SAMMSON: variants seen among roughly 807,000 people sequenced by gnomAD.
SAMMSON encodes the protein long intergenic non-protein coding RNA 1212.
chr3:70,071,550 A>T (rs1283800423), exon 4 of SAMMSON: 1 of 152,016 alleles, frequency 6.6e-6, no homozygotes, highest in African/African-American at 2.4e-5. Context: ...AAAGAGAAAC[A>T]TCTATTGCAT....
At chr3:70,291,537 C>G (rs1284986902) in intron 7 of SAMMSON, among the ~76,000 whole-genome samples, 2 of 152,162 alleles carry the variant, frequency 1.3e-5, no homozygotes, top group Non-Finnish European at 2.9e-5. Context: ...GGTCTTATCT[C>G]TCATCACATT....
chr3:70,027,010 G>A (rs1376594804), intron 3 of SAMMSON, among the ~76,000 whole-genome samples: 1 of 152,132 alleles, frequency 6.6e-6, no homozygotes, highest in African/African-American at 2.4e-5. Flanking sequence ...AGACTCTACT[G>A]GGAGTTTGTA....
chr3:70,084,095 C>T (rs928777557), intron 4 of SAMMSON, among the ~76,000 whole-genome samples: 2 of 152,188 alleles, frequency 1.3e-5, no homozygotes, highest in Non-Finnish European at 2.9e-5. Flanking sequence ...TTCCCCATCT[C>T]ACTCTTCCAC....
intron 4 of SAMMSON, among the ~76,000 whole-genome samples, chr3:70,203,618 T>C (rs1239510604): frequency 6.6e-6 from 1 of 152,164 alleles, no homozygotes; most frequent in Non-Finnish European, 1.5e-5. Flanking sequence ...TTTTATAAGG[T>C]GACACTGGTG....
chr3:70,337,045 A>C (rs1413833233), intron 7 of SAMMSON, among the ~76,000 whole-genome samples: 4 of 121,066 alleles, frequency 3.3e-5, no homozygotes, highest in Non-Finnish European at 7.7e-5. Flanking sequence ...TATCTAACTT[A>C]ATATTATTAT....
chr3:70,367,150 A>T (rs1039575655), intron 9 of SAMMSON, among the ~76,000 whole-genome samples: 1 of 151,632 alleles, frequency 6.6e-6, no homozygotes, highest in Non-Finnish European at 1.5e-5. Context: ...TCAAACAGTT[A>T]TCATTTATTT....
At chr3:70,277,183 G>A (rs1159811017) in intron 6 of SAMMSON, among the ~76,000 whole-genome samples, 1 of 152,138 alleles carries the variant, frequency 6.6e-6, no homozygotes, top group Non-Finnish European at 1.5e-5. Flanking sequence ...GATTGAGAAG[G>A]CTGGAACAAT....
In SAMMSON at chr3:70,151,002, A is replaced by G. The variant is rs13319242; in HGVS notation, n.507+79437A>G. ...TATATATCTATATGTAGATATATAG[A>G]TATACACACAAATAAATGTTTTAAA... On this transcript the variant is annotated intron_variant and non_coding_transcript_variant, in intron 4 of 9. Transcript: ENST00000642114. 5.2e-3 allele frequency among the ~76,000 whole-genome samples: 790 copies of G among 152,198 alleles called. 5 individuals are homozygous for G. The highest frequency in any genetic ancestry group is 0.018 in the African/African-American group (744 of 41,544).
intron 7 of SAMMSON, among the ~76,000 whole-genome samples, chr3:70,352,355 A>C (rs956864481): frequency 6.6e-6 from 1 of 152,124 alleles, no homozygotes; most frequent in Non-Finnish European, 1.5e-5. Context: ...GCAGGAAATG[A>C]CACAGCATTT....
At chr3:70,174,933 C>T (rs142350110) in intron 4 of SAMMSON, among the ~76,000 whole-genome samples, 2 of 152,154 alleles carry the variant, frequency 1.3e-5, no homozygotes, top group African/African-American at 4.8e-5. Flanking sequence ...TACTTCCCCC[C>T]ACCTTCCCAC....
At chr3:70,176,564 A>C (rs977416040) in intron 4 of SAMMSON, among the ~76,000 whole-genome samples, 1 of 152,118 alleles carries the variant, frequency 6.6e-6, no homozygotes, top group African/African-American at 2.4e-5. Flanking sequence ...TATTAATACA[A>C]TGGTAATTCA....
At chr3:70,407,529 T>C (rs563114367) in intron 2 of SAMMSON, among the ~76,000 whole-genome samples, 1 of 152,294 alleles carries the variant, frequency 6.6e-6, no homozygotes, top group Non-Finnish European at 1.5e-5. Context: ...GTCCAAAATT[T>C]CCTGTGGGGC....
At chr3:70,423,418 T>C (rs958877311) in intron 2 of SAMMSON, among the ~76,000 whole-genome samples, 4 of 152,176 alleles carry the variant, frequency 2.6e-5, no homozygotes, top group African/African-American at 4.8e-5. Flanking sequence ...GAAATATTGC[T>C]GCATTCTTCC....
At chr3:70,066,659 T>A (rs2067211330) in intron 3 of SAMMSON, among the ~76,000 whole-genome samples, 1 of 152,120 alleles carries the variant, frequency 6.6e-6, no homozygotes, top group African/African-American at 2.4e-5. Flanking sequence ...TAGTCTCTTT[T>A]ATGCTGCTGG....
At chr3:70,155,095 A>G (rs1435503966) in intron 4 of SAMMSON, among the ~76,000 whole-genome samples, 2 of 151,850 alleles carry the variant, frequency 1.3e-5, no homozygotes, top group Non-Finnish European at 2.9e-5. Context: ...ATTGGCTTAC[A>G]TATATTAGCT....
chr3:70,196,315 C>G (rs1175337274), intron 4 of SAMMSON, among the ~76,000 whole-genome samples: 2 of 152,124 alleles, frequency 1.3e-5, no homozygotes, highest in African/African-American at 4.8e-5. Flanking sequence ...TCAAAATTCA[C>G]TGGAGATGTT....
At chr3:70,084,642 C>G (rs899011910) in intron 4 of SAMMSON, 1 of 152,098 alleles carries the variant, frequency 6.6e-6, no homozygotes, top group African/African-American at 2.4e-5. Context: ...TGCGTTACCT[C>G]CATGACAGCT....
At chr3:70,331,828 C>T (rs1489279271) in intron 7 of SAMMSON, among the ~76,000 whole-genome samples, 2 of 152,156 alleles carry the variant, frequency 1.3e-5, no homozygotes, top group Admixed American at 6.5e-5. Flanking sequence ...CAGATAATGG[C>T]ACAATTCAGA....
At chr3:70,377,969 A>G (rs1703034746) in intron 9 of SAMMSON, among the ~76,000 whole-genome samples, 1 of 152,046 alleles carries the variant, frequency 6.6e-6, no homozygotes, top group African/African-American at 2.4e-5. Context: ...ATGAAGGAGA[A>G]TACGCTCATA....
Sources: allele counts gnomAD v4.1 joint callset (sites outside exome capture counted in the v4.1 genomes callset), GRCh38; gene constraint gnomAD v4.1.1; transcripts MANE v1.5; gene names NCBI Gene and HGNC (gene_info 2026-07-23, HGNC 2026-07-21).